E2F2: variants seen among roughly 807,000 people sequenced by gnomAD.
E2F2 encodes E2F transcription factor 2.
In E2F2, 22 loss-of-function variants were observed where a neutral mutation model predicts 42.2. The observed-to-expected ratio is 0.52, with a 90% CI of 0.37 to 0.74. The LOEUF (loss-of-function observed/expected upper bound fraction) is 0.74. Among genes scored for constraint, E2F2 ranks in the 30% least tolerant of loss-of-function variants. The pLI is 0.00. For synonymous variants in E2F2, 248 were observed against 251.6 expected, an observed-to-expected ratio of 0.99 and a Z score of 0.13; for missense variants, 481 against 557.8, an observed-to-expected ratio of 0.86 and a Z score of 1.39.
chr1:23,506,052 C>A (rs958603882), downstream of E2F2, among the ~76,000 whole-genome samples: 2 of 152,168 alleles, frequency 1.3e-5, no homozygotes, highest in African/African-American at 4.8e-5. Context: ...CCGCACCCAG[C>A]GTGAGGCATG....
At chr1:23,513,959 A>G (rs938939234) in intron 6 of E2F2, among the ~76,000 whole-genome samples, 1 of 151,934 alleles carries the variant, frequency 6.6e-6, no homozygotes, top group East Asian at 1.9e-4. Flanking sequence ...CCCTGTCTCT[A>G]CTGAAAATAC....
intron 2 of E2F2, among the ~76,000 whole-genome samples, chr1:23,522,421 G>A (rs1159376251): frequency 6.6e-6 from 1 of 152,174 alleles, no homozygotes; most frequent in African/African-American, 2.4e-5. Flanking sequence ...ACCCTGTAAG[G>A]GTTGCTGTAC....
chr1:23,530,583 C>G lies in E2F2; in HGVS notation c.211G>C (p.Glu71Gln), dbSNP rs765834186. The G allele has an allele frequency of 6.2e-7, 1 of 1,612,696 alleles. No individual in the cohort carries two copies. The highest frequency in any genetic ancestry group is 8.5e-7 in the Non-Finnish European group (1 of 1,179,678). ...TCLDATPHGP[E>Q]GQVVRCLPAG... ...GGCAGGCATCGCACAACTTGGCCCT[C>G]GGGTCCGTGGGGAGTGGCGTCGAGG... The change falls in exon 1 of 7, where the codon GAG (glutamate) becomes CAG (glutamine). Residue 71 changes from glutamate (E) to glutamine (Q), a missense_variant. By Grantham distance (29) the Glu-to-Gln change is conservative. Coordinates refer to ENST00000361729, the MANE Select transcript of E2F2 (RefSeq NM_004091.4). This position sits in a 1 kb window ranked among gnomAD's most constrained non-coding sequence, Gnocchi z 4.4.
In E2F2 at chr1:23,519,085, A is replaced by G. The variant is rs1396136204; in HGVS notation, c.783T>C (p.Phe261=). ...TYQDIRAVGN[F]KEQTVIAVKA... is the part of the protein sequence containing the mutation. Reference sequence around the variant, plus strand: ...TGACGGCAATCACTGTCTGCTCCTTAAAGTTGCCAACAGCACGGATATCCT... The same window carrying G: ...TGACGGCAATCACTGTCTGCTCCTTGAAGTTGCCAACAGCACGGATATCCT... Residue 261 remains phenylalanine, a synonymous_variant, in exon 5 of 7, where the codon TTT becomes TTC. Transcript: ENST00000361729. The G allele has an allele frequency of 6.2e-7, 1 of 1,613,958 alleles. No homozygotes were observed. The highest frequency in any genetic ancestry group is 8.5e-7 in the Non-Finnish European group (1 of 1,179,926).
At chr1:23,511,796 C>T (rs1447336888) in intron 6 of E2F2, among the ~76,000 whole-genome samples, 2 of 152,190 alleles carry the variant, frequency 1.3e-5, no homozygotes, top group Admixed American at 6.5e-5. Flanking sequence ...TGGAGTCTTG[C>T]TCTGGACTTC....
chr1:23,529,698 GAC>G (rs1643307152), intron 1 of E2F2, among the ~76,000 whole-genome samples: 2 of 152,242 alleles, frequency 1.3e-5, no homozygotes, highest in South Asian at 4.1e-4. Flanking sequence ...CTTGTCCAAG[GAC>G]ACACAGAGAA....
rs182438767 is a variant in E2F2 at position 23,521,615 on chromosome 1, G to C, written c.578+222C>G. On this transcript the variant is annotated intron_variant, in intron 3 of 6. Transcript: ENST00000361729. Reference sequence around the variant, plus strand: ...CACTCTGCCCCGCATCACGTTCTCCGATTACTTCAGCAGGTACACGGCGCT... The same window carrying C: ...CACTCTGCCCCGCATCACGTTCTCCCATTACTTCAGCAGGTACACGGCGCT... The C allele has an allele frequency of 2.1e-5, 21 of 983,730 alleles. No homozygotes were observed. In the East Asian group the frequency reaches 2.3e-3, roughly 108 times the overall value. The allele number at this position is 983,730 out of a possible 1,614,324, so 60.9% of individuals were successfully genotyped here.
At chr1:23,513,118 G>T (rs886929207) in intron 6 of E2F2, among the ~76,000 whole-genome samples, 3 of 139,652 alleles carry the variant, frequency 2.1e-5, no homozygotes, top group South Asian at 2.3e-4. Flanking sequence ...GGCCACATAA[G>T]TTTTTTTTTT....
In E2F2 at chr1:23,528,329, A is replaced by G. The variant is rs529567290; in HGVS notation, c.252+2213T>C. On this transcript the variant is annotated intron_variant, in intron 1 of 6. Transcript: ENST00000361729. ...CCACAACAAATCCTGCTCACCCTGC[A>G]CTTTGCAGCCCGGCCACAAAGCAAG... Among the ~76,000 whole-genome samples, 5 of 152,330 alleles carry G rather than the reference A, an allele frequency of 3.3e-5. No individual in the cohort carries two copies. In the South Asian group the frequency reaches 1.0e-3, roughly 32 times the overall value.
rs758109798 is a variant in E2F2 at position 23,507,515 on chromosome 1, C to CA, written c.*2364dup. On this transcript the variant is annotated 3_prime_UTR_variant, in exon 7 of 7. Coordinates refer to ENST00000361729, the MANE Select transcript of E2F2 (RefSeq NM_004091.4). ...TGGGCAACAGAGCGAGACTCCATCT[C>CA]AAAAAAAAAAAAAAAGAAGAAAAAA... 0.047 allele frequency: 4,431 copies of CA among 94,920 alleles called. 106 individuals are homozygous for CA. Among genetic ancestry groups the CA allele is most frequent in the Middle Eastern group, 0.062 (9 of 144 alleles). The allele number at this position is 94,920 out of a possible 1,614,324, so 5.9% of individuals were successfully genotyped here. A position where few individuals can be genotyped will look rare whatever the true frequency, so the allele number is the denominator to read the frequency against.
At chr1:23,518,051 G>C (rs551099487) in intron 5 of E2F2, among the ~76,000 whole-genome samples, 2 of 152,110 alleles carry the variant, frequency 1.3e-5, no homozygotes, top group Non-Finnish European at 2.9e-5. Context: ...TGCACCTGTG[G>C]TCCCAGCTAC....
intron 5 of E2F2, among the ~76,000 whole-genome samples, chr1:23,517,959 C>T (rs936470225): frequency 1.3e-5 from 2 of 151,804 alleles, no homozygotes; most frequent in African/African-American, 2.4e-5. Flanking sequence ...CACTTCTATG[C>T]CGAAGTTCAA....
At chr1:23,512,738 A>G (rs1342375985) in intron 6 of E2F2, among the ~76,000 whole-genome samples, 1 of 151,960 alleles carries the variant, frequency 6.6e-6, no homozygotes, top group African/African-American at 2.4e-5. Context: ...TCTCTCCACC[A>G]CACTCTGAAT....
chr1:23,514,477 C>G (rs1212002135), intron 6 of E2F2, among the ~76,000 whole-genome samples: 1 of 152,108 alleles, frequency 6.6e-6, no homozygotes, highest in African/African-American at 2.4e-5. Flanking sequence ...CTTAGGGAAG[C>G]CACTTGCCCT....
In E2F2 at chr1:23,509,230, C is replaced by A. The variant is rs1348955643; in HGVS notation, c.*650G>T. The stretch of plus-strand genomic sequence containing the variant: ...TCAGCTGGAGATGTGAGGCCAAGAA[C>A]AGGGGAAGAGGCAAAAGGGCCCACA... On this transcript the variant is annotated 3_prime_UTR_variant, in exon 7 of 7. Transcript: ENST00000361729. 1 of 152,232 alleles carries A rather than the reference C, an allele frequency of 6.6e-6. No homozygotes were observed. Among genetic ancestry groups the A allele is most frequent in the East Asian group, 1.9e-4 (1 of 5,198 alleles). The allele number at this position is 152,232 out of a possible 1,614,324, so 9.4% of individuals were successfully genotyped here. A position where few individuals can be genotyped will look rare whatever the true frequency, so the allele number is the denominator to read the frequency against.
rs536157983 is a variant in E2F2, at chr1:23,526,894, T to C, written c.253-2406A>G. 2.0e-5 allele frequency among the ~76,000 whole-genome samples: 3 copies of C among 150,924 alleles called. No homozygotes were observed. In the South Asian group the frequency reaches 6.3e-4, roughly 32 times the overall value. ...ACACACACACACAGCCTTCTCTCTT[T>C]TCTCACTCTCCTTCACCCTTATTCT... On this transcript the variant is annotated intron_variant, in intron 1 of 6. Transcript: ENST00000361729.
intron 4 of E2F2, 33 bp downstream of exon 4, chr1:23,520,880 T>C: frequency 1.3e-6 from 2 of 1,514,064 alleles, no homozygotes; most frequent in Non-Finnish European, 1.8e-6. Context: ...AGGTTCCTGC[T>C]CCCTGACACC....
chr1:23,522,125 C>T, intron 2 of E2F2, 69 bp from the exon 3 acceptor site: 1 of 1,449,574 alleles, frequency 6.9e-7, no homozygotes, highest in Non-Finnish European at 9.5e-7. Context: ...CGTCCATTGA[C>T]CTAGGCTCAT....
rs1192103932 is a variant in E2F2, at chr1:23,516,540, G to C, written c.853-13C>G. Reference sequence around the variant, plus strand: ...TCTGCAGGTTGTCCTGGAGGAGGAAGAGAAGCCAGGTCATTGCTCTGGGCA... The same window carrying C: ...TCTGCAGGTTGTCCTGGAGGAGGAACAGAAGCCAGGTCATTGCTCTGGGCA... On this transcript the variant is annotated splice_polypyrimidine_tract_variant and intron_variant, in intron 5 of 6. Transcript: ENST00000361729. The C allele has an allele frequency of 1.9e-6, 3 of 1,593,098 alleles. No individual in the cohort carries two copies. The highest frequency in any genetic ancestry group is 1.7e-6 in the Non-Finnish European group (2 of 1,168,228).
Sources: allele counts gnomAD v4.1 joint callset (sites outside exome capture counted in the v4.1 genomes callset), GRCh38; gene constraint gnomAD v4.1.1; non-coding constraint Gnocchi (gnomAD v3.1); transcripts MANE v1.5; gene names NCBI Gene and HGNC (gene_info 2026-07-23, HGNC 2026-07-21).